INPP4B: variants seen among roughly 807,000 people sequenced by gnomAD.
INPP4B encodes inositol polyphosphate-4-phosphatase type II B, also known as inositol polyphosphate 4-phosphatase type II.
In INPP4B, 55 loss-of-function variants were observed where a neutral mutation model predicts 122.5. That is an observed-to-expected ratio of 0.45 (90% CI 0.36 to 0.56). The LOEUF is 0.56. Ranked by LOEUF, INPP4B falls within the 20% of genes least tolerant of loss-of-function variation. The pLI is 0.00. For missense variants in INPP4B, 1,000 were observed against 1,097.7 expected (o/e 0.91, Z 1.26); for synonymous variants, 403 against 388.7 (o/e 1.04, Z -0.43).
intron 2 of INPP4B, among the ~76,000 whole-genome samples, chr4:142,696,021 T>A (rs1760970311): frequency 6.6e-6 from 1 of 152,060 alleles, no homozygotes; most frequent in African/African-American, 2.4e-5. Flanking sequence ...CAGCTGGGAC[T>A]AGGAGAATTA....
At chr4:142,721,589 G>A (rs1046872541) in intron 2 of INPP4B, among the ~76,000 whole-genome samples, 1 of 152,146 alleles carries the variant, frequency 6.6e-6, no homozygotes, top group Admixed American at 6.6e-5. Flanking sequence ...TTGGGAGGCC[G>A]AGGCGGGTGG....
At chr4:142,390,638 T>A (rs1185275712) in intron 7 of INPP4B, among the ~76,000 whole-genome samples, 2 of 152,188 alleles carry the variant, frequency 1.3e-5, no homozygotes, top group Non-Finnish European at 2.9e-5. Flanking sequence ...TAAAACATAA[T>A]GTTTAATGTT....
At chr4:142,370,682 A>G (rs1789564951) in intron 7 of INPP4B, among the ~76,000 whole-genome samples, 1 of 152,118 alleles carries the variant, frequency 6.6e-6, no homozygotes, top group Admixed American at 6.6e-5. Flanking sequence ...AAGCAATCCC[A>G]TTTACAATAG....
At chr4:142,288,456 TGCCTGTAGTCCCAGC>T (rs1754871502) in intron 9 of INPP4B, among the ~76,000 whole-genome samples, 3 of 152,034 alleles carry the variant, frequency 2.0e-5, no homozygotes, top group African/African-American at 7.2e-5. Flanking sequence ...TGGTGTCAGG[TGCCTGTAGTCCCAGC>T]TACTCAGGAG....
At chr4:142,533,981 C>A (rs1260348322) in intron 2 of INPP4B, among the ~76,000 whole-genome samples, 2 of 152,168 alleles carry the variant, frequency 1.3e-5, no homozygotes, top group African/African-American at 2.4e-5. Context: ...AGCCAGTGGA[C>A]AATTTGCCAA....
intron 3 of INPP4B, among the ~76,000 whole-genome samples, chr4:142,460,057 C>A (rs1816384898): frequency 6.6e-6 from 1 of 152,190 alleles, no homozygotes; most frequent in Non-Finnish European, 1.5e-5. Flanking sequence ...CTTTTTCTAA[C>A]TTCCTTCCCT....
At chr4:142,041,922 G>T (rs963457928) in intron 25 of INPP4B, among the ~76,000 whole-genome samples, 2 of 152,156 alleles carry the variant, frequency 1.3e-5, no homozygotes, top group East Asian at 1.9e-4. Context: ...TTTAAGTCCT[G>T]CTTACTCTGC....
chr4:142,561,480 G>A (rs539194589), intron 2 of INPP4B, among the ~76,000 whole-genome samples: 6 of 152,070 alleles, frequency 3.9e-5, no homozygotes, highest in South Asian at 4.2e-4. Flanking sequence ...GTGTAGTGGC[G>A]CGATCTCAGC....
chr4:142,845,719 C>A (rs1300222707), intron 1 of INPP4B, among the ~76,000 whole-genome samples: 1 of 151,922 alleles, frequency 6.6e-6, no homozygotes, highest in Non-Finnish European at 1.5e-5. Flanking sequence ...TTAAGGACTT[C>A]TTCCCAGGCC....
chr4:142,142,331 A>C (rs569890725), intron 18 of INPP4B, among the ~76,000 whole-genome samples: 110 of 152,248 alleles, frequency 7.2e-4, no homozygotes, highest in African/African-American at 2.5e-3. Context: ...GTGGCAGGAA[A>C]TAAGTGAAAA....
intron 25 of INPP4B, among the ~76,000 whole-genome samples, chr4:142,059,077 T>C (rs1331596994): frequency 6.6e-6 from 1 of 152,188 alleles, no homozygotes; most frequent in Non-Finnish European, 1.5e-5. Context: ...TTCTAGTTTT[T>C]CTTAAGGTCA....
chr4:142,304,361 A>C (rs574757965), intron 9 of INPP4B, among the ~76,000 whole-genome samples: 1 of 152,110 alleles, frequency 6.6e-6, no homozygotes, highest in African/African-American at 2.4e-5. Context: ...TAACACCAAC[A>C]CCGACACCAT....
intron 1 of INPP4B, among the ~76,000 whole-genome samples, chr4:142,761,575 A>G (rs748489873): frequency 1.8e-4 from 28 of 152,076 alleles, no homozygotes; most frequent in Non-Finnish European, 3.5e-4. Flanking sequence ...ATGCCATTGT[A>G]ATAATTGTTG....
At chr4:142,088,350 AAAAC>A (rs1297260632) in intron 23 of INPP4B, among the ~76,000 whole-genome samples, 2 of 152,252 alleles carry the variant, frequency 1.3e-5, no homozygotes. Flanking sequence ...AATGGCAACC[AAAAC>A]AAACCCAGGG....
chr4:142,544,029 G>A (rs1829241821), intron 2 of INPP4B, among the ~76,000 whole-genome samples: 1 of 151,956 alleles, frequency 6.6e-6, no homozygotes, highest in Admixed American at 6.6e-5. Context: ...ATGTGTGGAA[G>A]TTTTCTTTGG....
intron 2 of INPP4B, among the ~76,000 whole-genome samples, chr4:142,712,372 A>T (rs1300801412): frequency 6.6e-6 from 1 of 152,144 alleles, no homozygotes; most frequent in African/African-American, 2.4e-5. Flanking sequence ...CCTACCCTTA[A>T]CTGCGCTCCT....
chr4:142,245,764 A>G (rs1022445894), intron 11 of INPP4B, among the ~76,000 whole-genome samples: 6 of 148,200 alleles, frequency 4.0e-5, no homozygotes. Context: ...ATATATATGT[A>G]TATGTGTGTA....
At chr4:142,309,943 C>T (rs1012989357) in intron 8 of INPP4B, among the ~76,000 whole-genome samples, 6 of 152,150 alleles carry the variant, frequency 3.9e-5, no homozygotes, top group African/African-American at 9.7e-5. Flanking sequence ...GCAGCCACTC[C>T]GAGCAAGTCA....
At chr4:142,772,245 G>T (rs1001315403) in intron 1 of INPP4B, among the ~76,000 whole-genome samples, 12 of 152,156 alleles carry the variant, frequency 7.9e-5, no homozygotes, top group African/African-American at 2.9e-4. Flanking sequence ...AATGTGGGAA[G>T]AAGGTACTAA....
Sources: gnomAD v4.1 joint callset for allele counts (sites outside exome capture counted in the v4.1 genomes callset) on GRCh38, gnomAD v4.1.1 for gene constraint, MANE v1.5 for transcripts, NCBI Gene and HGNC (gene_info 2026-07-23, HGNC 2026-07-21) for gene names.